The following SDR16C5 variants were observed in gnomAD, a reference collection of about 807,000 sequenced individuals.
SDR16C5 encodes epidermal retinol dehydrogenase 2.
Under a neutral mutation model 27.7 loss-of-function variants are expected in SDR16C5, and 20 were observed. The ratio of observed to expected loss-of-function variants is 0.72; its 90% CI spans 0.51 to 1.05. The LOEUF (loss-of-function observed/expected upper bound fraction) is 1.05. Ranked by LOEUF, SDR16C5 falls within the 50% of genes least tolerant of loss-of-function variation. The pLI is 0.00. For synonymous variants in SDR16C5, 139 were observed against 132.3 expected (o/e 1.05, Z -0.35); for missense variants, 374 against 366.3 (o/e 1.02, Z -0.17).
chr8:56,309,546 T>C (rs1814972046), intron 3 of SDR16C5: 1 of 985,004 alleles, frequency 1.0e-6, no homozygotes, highest in Admixed American at 6.1e-5. Context: ...AGAGGACACA[T>C]CTGTATTCTG....
intron 1 of SDR16C5, among the ~76,000 whole-genome samples, chr8:56,316,750 C>A (rs1815210178): frequency 6.6e-6 from 1 of 152,156 alleles, no homozygotes; most frequent in South Asian, 2.1e-4. Context: ...AAGTCTTGAC[C>A]ACATCACAAT....
chr8:56,318,972 C>T (rs1203359859), intron 1 of SDR16C5, among the ~76,000 whole-genome samples: 1 of 152,106 alleles, frequency 6.6e-6, no homozygotes, highest in Non-Finnish European at 1.5e-5. Flanking sequence ...TCTTGTGCCT[C>T]AGTTTCCTCC....
intron 6 of SDR16C5, among the ~76,000 whole-genome samples, chr8:56,304,320 G>A (rs1814830096): frequency 6.6e-6 from 1 of 152,148 alleles, no homozygotes; most frequent in Non-Finnish European, 1.5e-5. Flanking sequence ...GTTCAAATGA[G>A]GCAGATTTCA....
chr8:56,314,240 C>T (rs534690168), intron 2 of SDR16C5, among the ~76,000 whole-genome samples: 24 of 152,090 alleles, frequency 1.6e-4, no homozygotes, highest in Non-Finnish European at 2.4e-4. Context: ...TCCTTTCTAT[C>T]CAGAATAAAA....
At chr8:56,312,122 A>C in intron 3 of SDR16C5, 35 bp downstream of exon 3, 1 of 1,559,926 alleles carries the variant, frequency 6.4e-7, no homozygotes, top group Non-Finnish European at 8.8e-7. Context: ...TGCCAGAATA[A>C]TTTTACATTT....
At chr8:56,311,990 T>C (rs1815055533) in intron 3 of SDR16C5, among the ~76,000 whole-genome samples, 167 bp downstream of exon 3, 1 of 152,174 alleles carries the variant, frequency 6.6e-6, no homozygotes, top group Admixed American at 6.5e-5. Context: ...CTGGGGGCTG[T>C]AGATTAAGTG....
At chr8:56,304,038 A>T (rs1814823532) in intron 6 of SDR16C5, 1 of 703,008 alleles carries the variant, frequency 1.4e-6, no homozygotes, top group African/African-American at 1.7e-5. Context: ...GCTCTGTCCC[A>T]CATAGCCTCA....
intron 3 of SDR16C5, among the ~76,000 whole-genome samples, chr8:56,310,380 C>G (rs112391297): frequency 3.3e-5 from 3 of 91,472 alleles, no homozygotes; most frequent in South Asian, 3.8e-4. Context: ...AAGAGAGAGA[C>G]AGACACCATG....
chr8:56,303,444 T>C (rs1814809377), intron 6 of SDR16C5, among the ~76,000 whole-genome samples: 1 of 152,200 alleles, frequency 6.6e-6, no homozygotes, highest in Non-Finnish European at 1.5e-5. Context: ...TCTTTTACCT[T>C]ACTTTTTTGT....
chr8:56,302,252 G>A (rs1000474286), intron 6 of SDR16C5, among the ~76,000 whole-genome samples: 2 of 152,214 alleles, frequency 1.3e-5, no homozygotes, highest in Non-Finnish European at 2.9e-5. Flanking sequence ...AGGACCCCAT[G>A]CTCCTTGTTC....
chr8:56,306,560 T>G lies in SDR16C5; in HGVS notation c.710+116A>C, dbSNP rs549578911. 8.3e-6 allele frequency: 8 copies of G among 968,840 alleles called. No individual in the cohort carries two copies. The East Asian group carries it at 2.2e-4, about 27-fold the overall frequency. 60.0% of individuals were successfully genotyped at this position (968,840 alleles called of 1,614,324 possible). On this transcript the variant is annotated intron_variant, in intron 5 of 6. Coordinates refer to ENST00000303749, the MANE Select transcript of SDR16C5 (RefSeq NM_138969.4). ...AAAGACAGAATTCTAAAACCATTTA[T>G]AAATCATACTGAATCCCAGAACAAT...
Position 56,301,076 on chromosome 8 carries a change from G to T in SDR16C5, c.*404C>A. ...TGTCCTCTGGAGAGAGGGCATTCTG[G>T]CTGGATATCCACATGTCCTCTTCGC... On this transcript the variant is annotated 3_prime_UTR_variant, in exon 7 of 7. Transcript: ENST00000303749. 1 of 167,504 alleles carries T rather than the reference G, an allele frequency of 6.0e-6. No individual in the cohort carries two copies. The highest frequency in any genetic ancestry group is 1.3e-5 in the Non-Finnish European group (1 of 77,222). The allele number at this position is 167,504 out of a possible 1,614,324, so 10.4% of individuals were successfully genotyped here.
intron 3 of SDR16C5, among the ~76,000 whole-genome samples, chr8:56,311,951 G>C (rs187118453): frequency 2.6e-5 from 4 of 152,302 alleles, no homozygotes; most frequent in Admixed American, 6.5e-5. Flanking sequence ...GGACAGTTCT[G>C]TCCTTGTAGA....
intron 6 of SDR16C5, among the ~76,000 whole-genome samples, chr8:56,303,015 A>C (rs1814796042): frequency 1.3e-5 from 2 of 151,192 alleles, no homozygotes; most frequent in South Asian, 2.1e-4. Context: ...TAAAAAAAAA[A>C]CAACAACGTA....
intron 3 of SDR16C5, among the ~76,000 whole-genome samples, chr8:56,309,838 T>C (rs992479434): frequency 1.2e-4 from 18 of 152,108 alleles, no homozygotes; most frequent in Non-Finnish European, 2.2e-4. Flanking sequence ...GTTGGGACAC[T>C]TCTCAGTAGG....
At chr8:56,305,249 T>C (rs72656051) in intron 6 of SDR16C5, among the ~76,000 whole-genome samples, 9,521 of 152,292 alleles carry the variant, frequency 0.063, 351 homozygotes, top group Middle Eastern at 0.095. Context: ...ATGGATACAA[T>C]ATCTATTCCA....
chr8:56,313,979 C>T (rs757073938), intron 2 of SDR16C5, among the ~76,000 whole-genome samples: 1 of 152,002 alleles, frequency 6.6e-6, no homozygotes, highest in Non-Finnish European at 1.5e-5. Flanking sequence ...GAGGCCGAGG[C>T]GGGTGGATAA....
At chr8:56,312,353 C>T (rs539747024) in intron 2 of SDR16C5, 65 bp from the exon 3 acceptor site, 1 of 1,443,204 alleles carries the variant, frequency 6.9e-7, no homozygotes, top group Non-Finnish European at 9.7e-7. Context: ...TTTTATTTTC[C>T]CAGAGTTTTA....
chr8:56,314,225 T>C (rs1044667297), intron 2 of SDR16C5, among the ~76,000 whole-genome samples: 5 of 151,796 alleles, frequency 3.3e-5, no homozygotes, highest in African/African-American at 1.2e-4. Context: ...AATTATCTGG[T>C]ACTTTCCTTT....
Sources: allele counts gnomAD v4.1 joint callset (sites outside exome capture counted in the v4.1 genomes callset), GRCh38; gene constraint gnomAD v4.1.1; transcripts MANE v1.5; gene names NCBI Gene and HGNC (gene_info 2026-07-23, HGNC 2026-07-21).